Variants in ANK1 observed in about 807,000 individuals in gnomAD.
ANK1 encodes the protein ankyrin 1.
Under a neutral mutation model 210.4 loss-of-function variants are expected in ANK1, and 51 were observed. That is an observed-to-expected ratio of 0.24 (90% CI 0.19 to 0.31). The LOEUF (loss-of-function observed/expected upper bound fraction) is 0.31. Among genes scored for constraint, ANK1 ranks in the 10% least tolerant of loss-of-function variants. The pLI is 1.00. For synonymous variants in ANK1, 967 were observed against 1,025.9 expected (o/e 0.94, Z 1.10); for missense variants, 2,051 against 2,504.4 (o/e 0.82, Z 3.86).
intron 3 of ANK1, among the ~76,000 whole-genome samples, chr8:41,730,839 C>T (rs531161441): frequency 6.6e-6 from 1 of 152,332 alleles, no homozygotes; most frequent in African/African-American, 2.4e-5. Context: ...GCTTCCTGGG[C>T]ATAAGCACAG....
At chr8:41,664,131 GA>G (rs1257085914) in intron 39 of ANK1, 1 of 460,520 alleles carries the variant, frequency 2.2e-6, no homozygotes, top group East Asian at 6.8e-5. Context: ...GCATCACCCA[GA>G]ATGTGACTTG....
intron 2 of ANK1, among the ~76,000 whole-genome samples, chr8:41,752,537 A>C (rs1031661779): frequency 6.6e-6 from 1 of 152,078 alleles, no homozygotes; most frequent in Non-Finnish European, 1.5e-5. Context: ...CCTCCTTACC[A>C]GGATCTGGAA....
At chr8:41,791,184 TACTA>T (rs1186536050) in intron 1 of ANK1, among the ~76,000 whole-genome samples, 9 of 147,954 alleles carry the variant, frequency 6.1e-5, no homozygotes, top group African/African-American at 1.0e-4. Context: ...CTTTTCTCAG[TACTA>T]ACTTTGTTTT....
rs1820437240 is a variant in ANK1, at chr8:41,694,999, GCAGCCGCTGA to G, written c.3115+168_3115+177del. Among the ~76,000 whole-genome samples the G allele has an allele frequency of 6.6e-6, 1 of 152,192 alleles. No individual in the cohort carries two copies. Among genetic ancestry groups the G allele is most frequent in the African/African-American group, 2.4e-5 (1 of 41,440 alleles). Reference sequence around the variant, plus strand: ...CCCAGCAGAGCAGATGCGGCTGCAGGCAGCCGCTGAGCATCCTCTCACACATCCTGGGGAC... The same window carrying G: ...CCCAGCAGAGCAGATGCGGCTGCAGGGCATCCTCTCACACATCCTGGGGAC... On this transcript the variant is annotated intron_variant, in intron 27 of 42. Coordinates refer to ENST00000289734, the MANE Select transcript of ANK1 (RefSeq NM_000037.4). This position sits in a 1 kb window ranked among gnomAD's most constrained non-coding sequence, Gnocchi z 5.7.
chr8:41,698,990 G>T (rs1004475587), intron 23 of ANK1, among the ~76,000 whole-genome samples: 2 of 152,140 alleles, frequency 1.3e-5, no homozygotes, highest in East Asian at 3.9e-4. Context: ...GTAGGGACAG[G>T]GTTTCACCAT....
intron 1 of ANK1, among the ~76,000 whole-genome samples, chr8:41,875,261 G>A (rs1002348044): frequency 2.0e-5 from 3 of 152,216 alleles, no homozygotes; most frequent in African/African-American, 7.2e-5. Context: ...TCTTGGCACC[G>A]GGAGCCAGCA....
chr8:41,721,656 CAA>C (rs55653901), intron 9 of ANK1, among the ~76,000 whole-genome samples: 36 of 108,116 alleles, frequency 3.3e-4, no homozygotes, highest in Non-Finnish European at 4.6e-4. Flanking sequence ...GACTTCATCT[CAA>C]AAAAAAAAAA....
chr8:41,787,648 A>G (rs1846694158), intron 1 of ANK1, among the ~76,000 whole-genome samples: 1 of 152,186 alleles, frequency 6.6e-6, no homozygotes, highest in Non-Finnish European at 1.5e-5. Flanking sequence ...TTAAGGCTAA[A>G]CTAAAGAAGG....
At chr8:41,844,114 C>T (rs1360584856) in intron 1 of ANK1, among the ~76,000 whole-genome samples, 2 of 152,210 alleles carry the variant, frequency 1.3e-5, no homozygotes, top group Non-Finnish European at 2.9e-5. Flanking sequence ...CTCAAGCAAT[C>T]CTCCCACCTC....
intron 1 of ANK1, among the ~76,000 whole-genome samples, chr8:41,827,019 T>C (rs1805506114): frequency 6.6e-6 from 1 of 152,256 alleles, no homozygotes; most frequent in Non-Finnish European, 1.5e-5. Context: ...GCTTGATCTA[T>C]TGTCTTTTCT....
At chr8:41,839,520 C>T (rs1162494697) in intron 1 of ANK1, among the ~76,000 whole-genome samples, 2 of 152,222 alleles carry the variant, frequency 1.3e-5, no homozygotes, top group South Asian at 2.1e-4. Flanking sequence ...TTGGCCTCCC[C>T]GAGGCCCTAG....
At chr8:41,674,986 T>G (rs530521770) in intron 37 of ANK1, among the ~76,000 whole-genome samples, 2 of 152,236 alleles carry the variant, frequency 1.3e-5, no homozygotes, top group Middle Eastern at 3.2e-3. Flanking sequence ...AAACCCTTCA[T>G]AGAAAACCCT....
intron 2 of ANK1, among the ~76,000 whole-genome samples, chr8:41,751,753 T>G (rs1837759092): frequency 6.6e-6 from 1 of 152,206 alleles, no homozygotes; most frequent in South Asian, 2.1e-4. Context: ...GTCTTGCCGC[T>G]CTTGTCCCTG....
intron 22 of ANK1, chr8:41,700,371 G>T: frequency 1.3e-6 from 2 of 1,542,054 alleles, no homozygotes; most frequent in Admixed American, 1.7e-5. Context: ...CATCAGGGTT[G>T]CTTAGGGTGA....
At chr8:41,720,156 C>T (rs1349834419) in intron 9 of ANK1, among the ~76,000 whole-genome samples, 1 of 152,224 alleles carries the variant, frequency 6.6e-6, no homozygotes, top group Non-Finnish European at 1.5e-5. Context: ...TGCGCTCAGA[C>T]CTTATTCTCA....
chr8:41,667,590 T>C (rs575340216), intron 39 of ANK1, among the ~76,000 whole-genome samples: 8 of 151,716 alleles, frequency 5.3e-5, no homozygotes, highest in African/African-American at 1.2e-4. Context: ...GGAAGGGGGA[T>C]TGAATCGAAC....
intron 1 of ANK1, among the ~76,000 whole-genome samples, chr8:41,872,210 G>A (rs1165824394): frequency 6.6e-6 from 1 of 152,200 alleles, no homozygotes; most frequent in Non-Finnish European, 1.5e-5. Flanking sequence ...CCCCCTGTAG[G>A]CCTCAGCTCC....
At chr8:41,818,225 G>A (rs1372436182) in intron 1 of ANK1, among the ~76,000 whole-genome samples, 2 of 152,204 alleles carry the variant, frequency 1.3e-5, no homozygotes, top group South Asian at 2.1e-4. Flanking sequence ...CTGAGCTAAT[G>A]GAATTTACTG....
Position 41,833,447 on chromosome 8 carries a change from T to C in ANK1, c.126+62908A>G, listed in dbSNP as rs77623894. Among the ~76,000 whole-genome samples the C allele has an allele frequency of 1.0e-3, 157 of 152,302 alleles. 2 individuals carry two copies. In the East Asian group the frequency reaches 0.028, roughly 27 times the overall value. Reference sequence around the variant, plus strand: ...TAACAAAGGAAAAATCTGTCCAGAATTTATATTAAAAGCTCCAGCAGATGC... The same window carrying C: ...TAACAAAGGAAAAATCTGTCCAGAACTTATATTAAAAGCTCCAGCAGATGC... On this transcript the variant is annotated intron_variant, in intron 1 of 42. Transcript: ENST00000265709.
Sources: allele counts gnomAD v4.1 joint callset (sites outside exome capture counted in the v4.1 genomes callset), GRCh38; gene constraint gnomAD v4.1.1; non-coding constraint Gnocchi (gnomAD v3.1); transcripts MANE v1.5; gene names NCBI Gene and HGNC (gene_info 2026-07-23, HGNC 2026-07-21).